Variants in MBNL3 observed in about 807,000 individuals in gnomAD.
MBNL3 encodes the protein muscleblind like splicing regulator 3, also known as muscleblind-like protein 3.
MBNL3 carries 6 observed loss-of-function variants against 24.5 expected under a neutral mutation model. The observed-to-expected ratio is 0.25, with a 90% CI of 0.13 to 0.48. The LOEUF is 0.48. Ranked by LOEUF, MBNL3 falls within the 20% of genes least tolerant of loss-of-function variation. MBNL3 has a pLI of 0.99. For synonymous variants in MBNL3, 100 were observed against 101.7 expected (o/e 0.98, Z 0.10); for missense variants, 230 against 293.5 (o/e 0.78, Z 1.58).
At position 132,398,878 on chromosome X, in the gene MBNL3, GA is replaced by G. The variant is rs781514316; in HGVS notation, c.343-6545del. 2.7e-5 allele frequency among the ~76,000 whole-genome samples: 3 copies of G among 111,120 alleles called. No individual in the cohort carries two copies. In the South Asian group the frequency reaches 1.1e-3, roughly 42 times the overall value. On this transcript the variant is annotated intron_variant, in intron 3 of 8. Coordinates refer to ENST00000370853, the MANE Select transcript of MBNL3 (RefSeq NM_001386889.1). ...GCTAATAGAAAGATAATTCTATGTT[GA>G]AAAAAGAAAGGCCCAAAGCTACAAA...
chrX:132,441,459 G>A (rs1945381708), intron 1 of MBNL3, among the ~76,000 whole-genome samples: 1 of 112,314 alleles, frequency 8.9e-6, no homozygotes, highest in African/African-American at 3.2e-5. Flanking sequence ...TTCTATGACT[G>A]CTCTTACTTC....
In MBNL3 at chrX:132,379,546, A is replaced by T; in HGVS notation, c.*120T>A. 1 of 747,089 alleles carries T rather than the reference A, an allele frequency of 1.3e-6. No homozygotes were observed. The highest frequency in any genetic ancestry group is 1.9e-6 in the Non-Finnish European group (1 of 526,731). The allele number at this position is 747,089 out of a possible 1,213,427, so 61.6% of individuals were successfully genotyped here. The stretch of plus-strand genomic sequence containing the variant: ...GCTGGCTGGCAGGTTTGCTTTGCTT[A>T]ATACATTGACTGCAACACGCTTATT... On this transcript the variant is annotated 3_prime_UTR_variant, in exon 9 of 9. Coordinates refer to ENST00000370853, the MANE Select transcript of MBNL3 (RefSeq NM_001386889.1).
At chrX:132,379,788 T>C in intron 8 of MBNL3, 111 bp from the exon 9 acceptor site, 1 of 542,847 alleles carries the variant, frequency 1.8e-6, no homozygotes, top group Non-Finnish European at 3.0e-6. Context: ...CTGTTAACAG[T>C]GCCAAAATAT....
intron 2 of MBNL3, chrX:132,413,737 C>A: frequency 1.9e-6 from 1 of 540,252 alleles, no homozygotes; most frequent in South Asian, 6.5e-5. Context: ...TTTAAATACC[C>A]TCGATGTCTG....
chrX:132,412,342 A>G (rs1480422860), intron 2 of MBNL3, among the ~76,000 whole-genome samples: 2 of 111,452 alleles, frequency 1.8e-5, no homozygotes, highest in East Asian at 5.6e-4. Flanking sequence ...CTGCATTTCC[A>G]GGGTCAGTTT....
intron 4 of MBNL3, 29 bp downstream of exon 4, chrX:132,392,114 C>T (rs1312177026): frequency 1.8e-6 from 2 of 1,098,396 alleles, no homozygotes; most frequent in African/African-American, 3.7e-5. Context: ...ATCTATTCTA[C>T]AGGTATTTAT....
At chrX:132,477,060 G>T (rs1947479103) in intron 1 of MBNL3, among the ~76,000 whole-genome samples, 1 of 112,280 alleles carries the variant, frequency 8.9e-6, no homozygotes, top group Non-Finnish European at 1.9e-5. Context: ...ATCAGAATAA[G>T]AAAGAATTAA....
Position 132,439,664 on chromosome X carries a change from G to A in MBNL3, c.-53C>T. 1 of 1,109,142 alleles carries A rather than the reference G, an allele frequency of 9.0e-7. No homozygotes were observed. The highest frequency in any genetic ancestry group is 1.2e-6 in the Non-Finnish European group (1 of 845,333). 91.4% of individuals were successfully genotyped at this position (1,109,142 alleles called of 1,213,427 possible). On this transcript the variant is annotated 5_prime_UTR_variant, in exon 2 of 9. Coordinates refer to ENST00000370853, the MANE Select transcript of MBNL3 (RefSeq NM_001386889.1). ...ACCCTCTTTAGGACAATATTACTGT[G>A]GACTATTAAAGGATTAAAAATGAAT...
chrX:132,459,079 C>A (rs1946511624), intron 1 of MBNL3, among the ~76,000 whole-genome samples: 1 of 100,977 alleles, frequency 9.9e-6, no homozygotes, highest in Non-Finnish European at 2.0e-5. Context: ...TGAATATTAC[C>A]TCTCCTAGTA....
chrX:132,474,018 A>G (rs1341549043), intron 1 of MBNL3, among the ~76,000 whole-genome samples: 1 of 111,594 alleles, frequency 9.0e-6, no homozygotes, highest in Non-Finnish European at 1.9e-5. Context: ...ATCAATAATC[A>G]TAAGCTTCTA....
At chrX:132,451,530 G>T (rs1308805338) in intron 1 of MBNL3, among the ~76,000 whole-genome samples, 1 of 111,678 alleles carries the variant, frequency 9.0e-6, no homozygotes, top group Non-Finnish European at 1.9e-5. Context: ...CACAAAGCTG[G>T]AGCATCCCAG....
chrX:132,381,018 C>CAA (rs200570179), intron 8 of MBNL3, among the ~76,000 whole-genome samples: 1 of 106,005 alleles, frequency 9.4e-6, no homozygotes, highest in African/African-American at 3.4e-5. Context: ...GTTTGATCTT[C>CAA]AAAAAAAAAA....
chrX:132,457,799 T>C (rs770961187), intron 1 of MBNL3, among the ~76,000 whole-genome samples: 1 of 111,831 alleles, frequency 8.9e-6, no homozygotes, highest in Non-Finnish European at 1.9e-5. Flanking sequence ...ATGGATGGTA[T>C]TATCTATTAC....
chrX:132,461,236 G>A (rs1275030433), intron 1 of MBNL3, among the ~76,000 whole-genome samples: 1 of 111,254 alleles, frequency 9.0e-6, no homozygotes, highest in Admixed American at 9.6e-5. Context: ...CAGGTAAAAG[G>A]TACAGAGAGA....
At chrX:132,383,973 C>T (rs996566069) in intron 7 of MBNL3, among the ~76,000 whole-genome samples, 2 of 112,119 alleles carry the variant, frequency 1.8e-5, no homozygotes, top group Non-Finnish European at 1.9e-5. Flanking sequence ...ACTCCCCATT[C>T]CTTTCTCATG....
At chrX:132,460,833 T>C (rs1946591465) in intron 1 of MBNL3, among the ~76,000 whole-genome samples, 1 of 111,202 alleles carries the variant, frequency 9.0e-6, no homozygotes, top group Admixed American at 9.6e-5. Flanking sequence ...GTGCCCAATA[T>C]GTAGTCTTTT....
intron 1 of MBNL3, among the ~76,000 whole-genome samples, chrX:132,475,561 T>A (rs879223958): frequency 8.9e-6 from 1 of 111,786 alleles, no homozygotes; most frequent in Non-Finnish European, 1.9e-5. Context: ...TTAAAAAAAC[T>A]GTCATAACAA....
Position 132,418,253 on chromosome X carries a change from G to C in MBNL3, c.178-11861C>G, listed in dbSNP as rs149438668. On this transcript the variant is annotated intron_variant, in intron 2 of 8. Transcript: ENST00000370853. ...AATTTGAGAGATTTTTTAGAATACT[G>C]TAAACTGGTTTCCATTTTTTCACAC... 2.1e-3 allele frequency among the ~76,000 whole-genome samples: 241 copies of C among 112,262 alleles called. 1 individual carries two copies. The highest frequency in any genetic ancestry group is 0.014 in the Middle Eastern group (3 of 217).
At chrX:132,488,032 G>C (rs914241691) in intron 1 of MBNL3, among the ~76,000 whole-genome samples, 1 of 112,225 alleles carries the variant, frequency 8.9e-6, no homozygotes, top group Non-Finnish European at 1.9e-5. Context: ...AATCTTGCAA[G>C]TTTTGTTTTA....
Sources: gnomAD v4.1 joint callset for allele counts (sites outside exome capture counted in the v4.1 genomes callset) on GRCh38, gnomAD v4.1.1 for gene constraint, MANE v1.5 for transcripts, NCBI Gene and HGNC (gene_info 2026-07-23, HGNC 2026-07-21) for gene names.